The following STPG2 variants were observed in gnomAD, a reference collection of about 807,000 sequenced individuals.
STPG2 encodes sperm tail PG-rich repeat containing 2, also known as sperm-tail PG-rich repeat-containing protein 2.
STPG2 carries 56 observed loss-of-function variants against 54.2 expected under a neutral mutation model. The ratio of observed to expected loss-of-function variants is 1.03; its 90% CI spans 0.83 to 1.29. The LOEUF (loss-of-function observed/expected upper bound fraction) is 1.29, where lower values mean the gene tolerates loss of function less well. STPG2 is among the 50% of genes most tolerant of loss of function. The probability of loss-of-function intolerance (pLI) is 0.00; values close to 1 mark genes in which losing one functional copy is unlikely to be tolerated. For missense variants in STPG2, 596 were observed against 544.9 expected (o/e 1.09, Z -0.93); for synonymous variants, 200 against 181.8 (o/e 1.10, Z -0.81).
chr4:97,620,245 A>C (rs1258621025), intron 10 of STPG2, among the ~76,000 whole-genome samples: 2 of 152,232 alleles, frequency 1.3e-5, no homozygotes, highest in Non-Finnish European at 2.9e-5. Flanking sequence ...ACAAAGTCTT[A>C]ATAAATATTT....
intron 8 of STPG2, among the ~76,000 whole-genome samples, chr4:97,941,407 T>C (rs978855936): frequency 6.6e-6 from 1 of 152,168 alleles, no homozygotes; most frequent in Non-Finnish European, 1.5e-5. Flanking sequence ...ATAATTATTG[T>C]CTCAACATTC....
chr4:98,042,578 G>T (rs1736997892), intron 5 of STPG2, among the ~76,000 whole-genome samples: 1 of 151,646 alleles, frequency 6.6e-6, no homozygotes, highest in Non-Finnish European at 1.5e-5. Flanking sequence ...CATTCTTCAG[G>T]AGCCTGTTGT....
chr4:97,540,943 T>G (rs149429858), intron 4 of STPG2, among the ~76,000 whole-genome samples: 7 of 152,200 alleles, frequency 4.6e-5, no homozygotes, highest in South Asian at 4.2e-4. Context: ...AAACTCTCAA[T>G]AAATTAGGTA....
chr4:98,135,121 CAAA>C, intron 1 of STPG2, among the ~76,000 whole-genome samples: 1 of 151,710 alleles, frequency 6.6e-6, no homozygotes, highest in Middle Eastern at 3.4e-3. Flanking sequence ...ATGTGGATAT[CAAA>C]GAAGAGATGG....
At chr4:98,134,493 G>A in intron 1 of STPG2, 34 bp from the exon 2 acceptor site, 3 of 1,334,714 alleles carry the variant, frequency 2.2e-6, no homozygotes, top group Non-Finnish European at 3.1e-6. Flanking sequence ...CAGCAGATAA[G>A]ATAAGAGTCC....
chr4:97,942,308 A>G (rs977571072), intron 8 of STPG2, among the ~76,000 whole-genome samples: 1 of 152,034 alleles, frequency 6.6e-6, no homozygotes, highest in Non-Finnish European at 1.5e-5. Flanking sequence ...TATATTAGTA[A>G]TAAATTAGTC....
chr4:97,857,492 G>C (rs1336785003), intron 8 of STPG2, among the ~76,000 whole-genome samples: 3 of 152,092 alleles, frequency 2.0e-5, no homozygotes, highest in Admixed American at 1.3e-4. Context: ...ATTTTGTGGG[G>C]TCAGTGGTGA....
intron 8 of STPG2, among the ~76,000 whole-genome samples, chr4:97,841,824 G>A (rs1728810726): frequency 6.6e-6 from 1 of 151,664 alleles, no homozygotes; most frequent in South Asian, 2.1e-4. Context: ...AAAAATGATA[G>A]TACTTATTTT....
At chr4:97,564,047 A>G (rs1387580900) in intron 10 of STPG2, among the ~76,000 whole-genome samples, 2 of 152,108 alleles carry the variant, frequency 1.3e-5, no homozygotes, top group Non-Finnish European at 2.9e-5. Context: ...AAAGTCTCCC[A>G]TTATTATTGT....
chr4:97,952,533 G>A (rs1286530793), intron 7 of STPG2, among the ~76,000 whole-genome samples: 1 of 152,154 alleles, frequency 6.6e-6, no homozygotes, highest in Non-Finnish European at 1.5e-5. Flanking sequence ...CACTATGAAT[G>A]CTGCTGTTCC....
intron 10 of STPG2, among the ~76,000 whole-genome samples, chr4:97,677,195 C>T (rs1722879797): frequency 6.6e-6 from 1 of 152,048 alleles, no homozygotes; most frequent in Non-Finnish European, 1.5e-5. Context: ...TTCTTTGAAA[C>T]TGAAGATTGT....
intron 10 of STPG2, among the ~76,000 whole-genome samples, chr4:97,590,542 T>TA (rs1733115156): frequency 6.6e-6 from 1 of 151,904 alleles, no homozygotes; most frequent in South Asian, 2.1e-4. Flanking sequence ...CTGGAAATCT[T>TA]AGAGGTCTTT....
intron 5 of STPG2, among the ~76,000 whole-genome samples, chr4:97,993,128 G>T (rs573174777): frequency 4.6e-5 from 7 of 152,258 alleles, no homozygotes; most frequent in African/African-American, 1.4e-4. Flanking sequence ...ATGTTGAGTA[G>T]AAGTGATGAA....
chr4:97,960,922 C>A (rs1354170698), intron 7 of STPG2, among the ~76,000 whole-genome samples: 2 of 151,962 alleles, frequency 1.3e-5, no homozygotes, highest in Admixed American at 6.6e-5. Context: ...AATGTGGAGG[C>A]ATCACATTAC....
chr4:97,930,021 T>A (rs1732482945), intron 8 of STPG2, among the ~76,000 whole-genome samples: 2 of 152,080 alleles, frequency 1.3e-5, no homozygotes, highest in African/African-American at 4.8e-5. Context: ...CACCTCAGCC[T>A]CCCGATACCT....
chr4:97,938,538 T>C (rs1344832355), intron 8 of STPG2, among the ~76,000 whole-genome samples: 2 of 152,188 alleles, frequency 1.3e-5, no homozygotes, highest in Non-Finnish European at 2.9e-5. Context: ...TTCCAGCCAA[T>C]TGACTGTTGA....
chr4:98,121,945 C>A (rs1032776742), intron 3 of STPG2, among the ~76,000 whole-genome samples: 35 of 152,262 alleles, frequency 2.3e-4, no homozygotes, highest in African/African-American at 7.9e-4. Context: ...TGGTCTCAAT[C>A]TCTTGACCTC....
At chr4:98,062,397 T>C (rs916775761) in intron 5 of STPG2, among the ~76,000 whole-genome samples, 9 of 152,048 alleles carry the variant, frequency 5.9e-5, no homozygotes, top group Non-Finnish European at 1.3e-4. Flanking sequence ...CAAACCCCCA[T>C]GACATGTTTA....
rs576115072 is a variant in STPG2 at position 97,479,945 on chromosome 4, A to G, written c.462+232754T>C. 1.9e-4 allele frequency among the ~76,000 whole-genome samples: 29 copies of G among 151,970 alleles called. No homozygotes were observed. In the South Asian group the frequency reaches 5.8e-3, roughly 30 times the overall value. On this transcript the variant is annotated intron_variant, in intron 4 of 4. Transcript: ENST00000522676. ...ATATTTGCTGAAACTATAATTCTGT[A>G]GATCCAGGAAGCTGCACAAATAAGC...
Sources: gnomAD v4.1 joint callset for allele counts (sites outside exome capture counted in the v4.1 genomes callset) on GRCh38, gnomAD v4.1.1 for gene constraint, MANE v1.5 for transcripts, NCBI Gene and HGNC (gene_info 2026-07-23, HGNC 2026-07-21) for gene names.